The following SERPINI1 variants were observed in gnomAD, a reference collection of about 807,000 sequenced individuals.
SERPINI1 encodes the protein serpin family I member 1.
Under a neutral mutation model 41.1 loss-of-function variants are expected in SERPINI1, and 19 were observed. The observed-to-expected ratio is 0.46, with a 90% CI of 0.32 to 0.68. The LOEUF (loss-of-function observed/expected upper bound fraction) is 0.68, where lower values mean the gene tolerates loss of function less well. Ranked by LOEUF, SERPINI1 falls within the 30% of genes least tolerant of loss-of-function variation. The pLI, the probability that SERPINI1 is intolerant of heterozygous loss-of-function variation, is 0.03. For missense variants in SERPINI1, 460 were observed against 479.2 expected (o/e 0.96, Z 0.37); for synonymous variants, 138 against 156.6 (o/e 0.88, Z 0.89).
chr3:167,778,537 G>A (rs577676637), intron 1 of SERPINI1, among the ~76,000 whole-genome samples: 54 of 152,290 alleles, frequency 3.5e-4, no homozygotes, highest in Non-Finnish European at 5.0e-4. Flanking sequence ...GGGTCCGTTC[G>A]TTTGTGTGAA....
At chr3:167,822,918 T>G (rs1712385892) in intron 6 of SERPINI1, 68 bp from the exon 7 acceptor site, 5 of 887,642 alleles carry the variant, frequency 5.6e-6, no homozygotes, top group Non-Finnish European at 9.6e-6. Flanking sequence ...AAAATCCATT[T>G]AACAAAAGGG....
intron 1 of SERPINI1, among the ~76,000 whole-genome samples, chr3:167,785,985 C>T (rs558121718): frequency 5.3e-5 from 8 of 152,222 alleles, no homozygotes; most frequent in African/African-American, 7.2e-5. Flanking sequence ...GCAACATCAC[C>T]GAGTATACTT....
At chr3:167,805,248 C>T (rs550960010) in intron 5 of SERPINI1, among the ~76,000 whole-genome samples, 2 of 152,190 alleles carry the variant, frequency 1.3e-5, no homozygotes, top group Admixed American at 6.5e-5. Flanking sequence ...TTCTGACTGG[C>T]GTGAGATGGT....
rs186044567 is a variant in SERPINI1 at position 167,740,708 on chromosome 3, G to A, written c.-19+4885G>A. Among the ~76,000 whole-genome samples the A allele has an allele frequency of 1.4e-3, 207 of 152,220 alleles. 2 individuals are homozygous for A. The highest frequency in any genetic ancestry group is 0.012 in the Admixed American group (191 of 15,292). ...ATTTTGTTATTAACTGCAAACTTGCGCGCGCGCTTGTGTGCGTGTGTGTGT... is the reference window on the plus strand; with the variant it reads ...ATTTTGTTATTAACTGCAAACTTGCACGCGCGCTTGTGTGCGTGTGTGTGT... On this transcript the variant is annotated intron_variant, in intron 1 of 8. Transcript: ENST00000446050.
At chr3:167,788,593 C>T (rs1328454661) in intron 1 of SERPINI1, among the ~76,000 whole-genome samples, 1 of 152,192 alleles carries the variant, frequency 6.6e-6, no homozygotes, top group Non-Finnish European at 1.5e-5. Flanking sequence ...TTCCTGTGGA[C>T]TCTGCAACCT....
intron 6 of SERPINI1, among the ~76,000 whole-genome samples, chr3:167,811,687 AATT>A (rs1037735875): frequency 2.7e-5 from 4 of 150,644 alleles, no homozygotes; most frequent in African/African-American, 1.0e-4. Flanking sequence ...TTTTAATTAA[AATT>A]GTTACTTAAA....
chr3:167,804,457 C>T (rs1335122359), intron 5 of SERPINI1, among the ~76,000 whole-genome samples: 1 of 152,174 alleles, frequency 6.6e-6, no homozygotes, highest in African/African-American at 2.4e-5. Flanking sequence ...TAGGAGGCAA[C>T]ATCTTAGAAA....
chr3:167,823,327 G>A (rs980603240), intron 7 of SERPINI1, among the ~76,000 whole-genome samples: 2 of 152,154 alleles, frequency 1.3e-5, no homozygotes, highest in African/African-American at 2.4e-5. Flanking sequence ...GCAGTTCTGC[G>A]AAAATAGATT....
chr3:167,823,098 C>T, intron 7 of SERPINI1, 26 bp downstream of exon 7: 1 of 1,442,036 alleles, frequency 6.9e-7, no homozygotes, highest in Non-Finnish European at 9.8e-7. Context: ...ATCTTCTCCC[C>T]TCTTCTAGAT....
intron 1 of SERPINI1, among the ~76,000 whole-genome samples, chr3:167,758,703 G>A (rs945281458): frequency 6.6e-6 from 1 of 152,038 alleles, no homozygotes; most frequent in Admixed American, 6.6e-5. Context: ...AAAATCCAGG[G>A]TCAGAAAAAG....
chr3:167,786,599 G>A (rs879541433), intron 1 of SERPINI1, among the ~76,000 whole-genome samples: 3 of 151,374 alleles, frequency 2.0e-5, no homozygotes, highest in Non-Finnish European at 4.4e-5. Flanking sequence ...ATGGGTAGAA[G>A]TTTTCTGGGT....
rs141163647 is a variant in SERPINI1, at chr3:167,747,905, C to T, written c.-19+12082C>T. 2.9e-3 allele frequency among the ~76,000 whole-genome samples: 437 copies of T among 151,498 alleles called. 2 individuals are homozygous for T. The highest frequency in any genetic ancestry group is 0.01 in the African/African-American group (426 of 41,370). On this transcript the variant is annotated intron_variant, in intron 1 of 8. Transcript: ENST00000446050. ...TAGTGAAGAGAAACTAAGACCTACCCACACTTTGTTAAAGTTTTTTTGTGT... is the reference window on the plus strand; with the variant it reads ...TAGTGAAGAGAAACTAAGACCTACCTACACTTTGTTAAAGTTTTTTTGTGT...
chr3:167,772,840 C>G (rs902410203), intron 1 of SERPINI1, among the ~76,000 whole-genome samples: 1 of 20,684 alleles, frequency 4.8e-5, no homozygotes, highest in African/African-American at 1.9e-4. Flanking sequence ...CTCTCTCTCT[C>G]TCTCTCTCTC....
At chr3:167,801,716 A>G (rs1435315974) in intron 5 of SERPINI1, among the ~76,000 whole-genome samples, 2 of 152,142 alleles carry the variant, frequency 1.3e-5, no homozygotes, top group Non-Finnish European at 2.9e-5. Flanking sequence ...CACTCAATAT[A>G]TGGGAGATAA....
chr3:167,741,982 AGTTT>A (rs1339178457), intron 1 of SERPINI1, among the ~76,000 whole-genome samples: 4 of 152,176 alleles, frequency 2.6e-5, no homozygotes, highest in Non-Finnish European at 5.9e-5. Flanking sequence ...AAGGCAACAA[AGTTT>A]GTTTTTGTAT....
intron 5 of SERPINI1, among the ~76,000 whole-genome samples, chr3:167,806,853 C>G (rs1034261407): frequency 1.6e-5 from 2 of 127,194 alleles, no homozygotes; most frequent in African/African-American, 6.9e-5. Context: ...TCATCTCCAG[C>G]TTAAAAAAAA....
chr3:167,776,687 G>C (rs1285566423), intron 1 of SERPINI1, among the ~76,000 whole-genome samples: 1 of 152,198 alleles, frequency 6.6e-6, no homozygotes, highest in Non-Finnish European at 1.5e-5. Context: ...TAATGCAGTA[G>C]GCACTAGCCA....
At chr3:167,744,638 TTATATATAAA>T (rs1208594115) in intron 1 of SERPINI1, among the ~76,000 whole-genome samples, 6 of 130,846 alleles carry the variant, frequency 4.6e-5, no homozygotes, top group African/African-American at 9.3e-5. Flanking sequence ...TATTTTATAT[TTATATATAAA>T]TATATATAAA....
intron 1 of SERPINI1, among the ~76,000 whole-genome samples, chr3:167,772,727 G>T (rs371658287): frequency 9.7e-4 from 146 of 150,560 alleles, no homozygotes; most frequent in Admixed American, 2.6e-3. Flanking sequence ...AAATTCAAGT[G>T]CAGTGGAGTG....
Sources: allele counts gnomAD v4.1 joint callset (sites outside exome capture counted in the v4.1 genomes callset), GRCh38; gene constraint gnomAD v4.1.1; transcripts MANE v1.5; gene names NCBI Gene and HGNC (gene_info 2026-07-23, HGNC 2026-07-21).